The following CRISPLD2 variants were observed in gnomAD, a reference collection of about 807,000 sequenced individuals.
The protein encoded by CRISPLD2 is cysteine rich secretory protein LCCL domain containing 2, also known as cysteine-rich secretory protein LCCL domain-containing 2.
In CRISPLD2, 47 loss-of-function variants were observed where a neutral mutation model predicts 71.1. The ratio of observed to expected loss-of-function variants is 0.66; its 90% confidence interval spans 0.52 to 0.84. The LOEUF is 0.84. Ranked by LOEUF, CRISPLD2 falls within the 40% of genes least tolerant of loss-of-function variation. CRISPLD2 has a pLI of 0.00. For synonymous variants in CRISPLD2, 317 were observed against 250.1 expected, an observed-to-expected ratio of 1.27 and a Z score of -2.52; for missense variants, 830 against 651.1, an observed-to-expected ratio of 1.27 and a Z score of -2.99.
intron 6 of CRISPLD2, among the ~76,000 whole-genome samples, chr16:84,863,499 C>T (rs1236724540): frequency 1.3e-5 from 2 of 152,188 alleles, no homozygotes; most frequent in Non-Finnish European, 2.9e-5. Flanking sequence ...CCTCTCACCC[C>T]CACCTGTGTG....
At chr16:84,892,170 C>T (rs1282341744) in intron 14 of CRISPLD2, among the ~76,000 whole-genome samples, 1 of 152,124 alleles carries the variant, frequency 6.6e-6, no homozygotes, top group African/African-American at 2.4e-5. Context: ...CAGGTGGGGT[C>T]CCCAGGCCAA....
At chr16:84,830,287 A>C (rs1444381412) in intron 1 of CRISPLD2, among the ~76,000 whole-genome samples, 2 of 152,218 alleles carry the variant, frequency 1.3e-5, no homozygotes, top group African/African-American at 4.8e-5. Context: ...GCACCACTGC[A>C]CTCTAGCCTG....
intron 10 of CRISPLD2, 89 bp from the exon 11 acceptor site, chr16:84,873,831 G>A (rs2071495745): frequency 8.2e-7 from 1 of 1,217,116 alleles, no homozygotes; most frequent in African/African-American, 1.5e-5. Flanking sequence ...CTGCAAATAA[G>A]ATAAGTATAG....
chr16:84,880,931 C>A (rs1043957579), intron 13 of CRISPLD2, among the ~76,000 whole-genome samples: 1 of 152,016 alleles, frequency 6.6e-6, no homozygotes, highest in Non-Finnish European at 1.5e-5. Flanking sequence ...TTTCGAACTC[C>A]CAACCTCAGA....
chr16:84,863,862 T>G (rs540047559), intron 6 of CRISPLD2, among the ~76,000 whole-genome samples: 5 of 144,370 alleles, frequency 3.5e-5, no homozygotes, highest in African/African-American at 5.2e-5. Flanking sequence ...CAGGCTGAGG[T>G]AGGAGAATCG....
intron 13 of CRISPLD2, among the ~76,000 whole-genome samples, chr16:84,887,143 T>A (rs779218149): frequency 6.6e-6 from 1 of 152,204 alleles, no homozygotes; most frequent in Non-Finnish European, 1.5e-5. Flanking sequence ...TTCTCCCCGA[T>A]GACCCCTGGG....
intron 11 of CRISPLD2, among the ~76,000 whole-genome samples, chr16:84,877,006 C>T (rs1007280714): frequency 1.3e-5 from 2 of 152,140 alleles, no homozygotes; most frequent in South Asian, 2.1e-4. Flanking sequence ...AGAAGGAGCT[C>T]TAGAGCAGGC....
At chr16:84,889,487 C>T in intron 14 of CRISPLD2, 124 bp downstream of exon 14, 1 of 927,178 alleles carries the variant, frequency 1.1e-6, no homozygotes, top group Non-Finnish European at 1.5e-6. Context: ...TGCACGAATT[C>T]TTACCAGGAC....
At chr16:84,861,903 C>T (rs1413937414) in intron 6 of CRISPLD2, among the ~76,000 whole-genome samples, 2 of 152,164 alleles carry the variant, frequency 1.3e-5, no homozygotes, top group Non-Finnish European at 2.9e-5. Context: ...GCACTCCAGC[C>T]TGGGCAACAC....
At chr16:84,901,220 G>C (rs1340548950) in intron 14 of CRISPLD2, among the ~76,000 whole-genome samples, 2 of 152,100 alleles carry the variant, frequency 1.3e-5, no homozygotes, top group Non-Finnish European at 2.9e-5. Context: ...GTGCAGAGTG[G>C]TATGTCTATG....
At chr16:84,867,919 C>G (rs759107731) in intron 7 of CRISPLD2, among the ~76,000 whole-genome samples, 26 of 152,244 alleles carry the variant, frequency 1.7e-4, no homozygotes, top group Non-Finnish European at 1.2e-4. Context: ...CAGCTCCCCC[C>G]AGCCACTGCT....
chr16:84,897,748 C>T (rs766742583), intron 14 of CRISPLD2, among the ~76,000 whole-genome samples: 18 of 152,202 alleles, frequency 1.2e-4, no homozygotes, highest in Non-Finnish European at 2.4e-4. Context: ...TCCCAAGTAG[C>T]TGGGATTACA....
rs1358302413 is a variant in CRISPLD2, at chr16:84,833,146, C to G, written c.-74-5276C>G. On this transcript the variant is annotated intron_variant, in intron 1 of 14. Coordinates refer to ENST00000262424, the MANE Select transcript of CRISPLD2 (RefSeq NM_031476.4). ...TGTAAAATGGGGCTGAAAACAGCTG[C>G]CTCCCTGCTAGAGTCCAAATGCATC... Among the ~76,000 whole-genome samples the G allele has an allele frequency of 2.0e-5, 3 of 152,330 alleles. No homozygotes were observed. In the East Asian group the frequency reaches 5.8e-4, roughly 29 times the overall value.
chr16:84,891,478 G>A (rs896409982), intron 14 of CRISPLD2, among the ~76,000 whole-genome samples: 6 of 152,182 alleles, frequency 3.9e-5, no homozygotes, highest in South Asian at 2.1e-4. Context: ...CCTTCAGCAC[G>A]TGCGGCCTTT....
chr16:84,901,468 C>CT (rs564314509), intron 14 of CRISPLD2, among the ~76,000 whole-genome samples: 1,507 of 119,004 alleles, frequency 0.013, 22 homozygotes, highest in Non-Finnish European at 0.015. Context: ...CCTGGCTGCA[C>CT]TTTTTTTTTT....
chr16:84,876,989 G>C (rs1356804397), intron 11 of CRISPLD2, among the ~76,000 whole-genome samples: 1 of 152,134 alleles, frequency 6.6e-6, no homozygotes, highest in Non-Finnish European at 1.5e-5. Flanking sequence ...GAGGTAGGTG[G>C]TATGTCAGAA....
chr16:84,834,479 A>G (rs1000659586), intron 1 of CRISPLD2, among the ~76,000 whole-genome samples: 1 of 152,166 alleles, frequency 6.6e-6, no homozygotes, highest in Non-Finnish European at 1.5e-5. Context: ...GGCCTCGGCC[A>G]ATTGGTTTGT....
intron 5 of CRISPLD2, among the ~76,000 whole-genome samples, chr16:84,853,028 C>G (rs1419324563): frequency 6.6e-6 from 1 of 152,150 alleles, no homozygotes; most frequent in African/African-American, 2.4e-5. Context: ...GGTCACACCA[C>G]TGCACTCCAG....
chr16:84,838,396 T>C (rs931770570), intron 1 of CRISPLD2, 26 bp from the exon 2 acceptor site: 95 of 1,464,954 alleles, frequency 6.5e-5, no homozygotes, highest in Non-Finnish European at 8.1e-5. Flanking sequence ...ATGCGACTTC[T>C]CCCACCACCC....
Sources: allele counts gnomAD v4.1 joint callset (sites outside exome capture counted in the v4.1 genomes callset), GRCh38; gene constraint gnomAD v4.1.1; transcripts MANE v1.5; gene names NCBI Gene and HGNC (gene_info 2026-07-23, HGNC 2026-07-21).